GNAZ: variants seen among roughly 807,000 people sequenced by gnomAD.
GNAZ encodes guanine nucleotide-binding protein G(z) subunit alpha.
A neutral mutation model predicts 25.4 loss-of-function variants in GNAZ; 3 were observed. The ratio of observed to expected loss-of-function variants is 0.12; its 90% confidence interval spans 0.05 to 0.30. GNAZ has a LOEUF of 0.30. Among genes scored for constraint, GNAZ ranks in the 10% least tolerant of loss-of-function variants. The probability of loss-of-function intolerance (pLI) is 1.00; values close to 1 mark genes in which losing one functional copy is unlikely to be tolerated. For synonymous variants in GNAZ, 211 were observed against 205.7 expected, an observed-to-expected ratio of 1.03 and a Z score of -0.22; for missense variants, 241 against 501.8, an observed-to-expected ratio of 0.48 and a Z score of 4.97.
chr22:23,123,515 G>A lies in GNAZ; in HGVS notation c.*84G>A. 3.5e-6 allele frequency: 3 copies of A among 846,240 alleles called. No individual in the cohort carries two copies. The South Asian group carries it at 5.0e-5, about 14-fold the overall frequency. The allele number at this position is 846,240 out of a possible 1,614,324, so 52.4% of individuals were successfully genotyped here. A position where few individuals can be genotyped will look rare whatever the true frequency, so the allele number is the denominator to read the frequency against. On this transcript the variant is annotated 3_prime_UTR_variant, in exon 3 of 3. Transcript: ENST00000615612. ...CGCGTGCTAGAGAGGCCCAATCCAG[G>A]GGCAGAAAACAGGGGGCCTAAAGAA... is the stretch of plus-strand genomic sequence containing the variant.
chr22:23,091,457 C>G (rs1228046116), intron 1 of GNAZ, among the ~76,000 whole-genome samples: 1 of 150,400 alleles, frequency 6.6e-6, no homozygotes, highest in Non-Finnish European at 1.5e-5. Context: ...GGGTCCTATG[C>G]ATACACACAC....
chr22:23,118,960 C>T (rs2069931019), intron 2 of GNAZ, among the ~76,000 whole-genome samples: 1 of 152,220 alleles, frequency 6.6e-6, no homozygotes, highest in Non-Finnish European at 1.5e-5. Flanking sequence ...GCAGGAGGCA[C>T]AGCCAGTCAT....
intron 1 of GNAZ, among the ~76,000 whole-genome samples, chr22:23,080,454 G>A (rs970151719): frequency 3.9e-5 from 6 of 152,366 alleles, no homozygotes; most frequent in African/African-American, 1.4e-4. Flanking sequence ...TCTGTAGGAT[G>A]GGGACACTGT....
rs143839657 is a variant in GNAZ, at chr22:23,096,005, G to T, written c.310G>T (p.Ala104Ser). 150 of 1,607,998 alleles carry T rather than the reference G, an allele frequency of 9.3e-5. No individual in the cohort carries two copies. In the African/African-American group the frequency reaches 1.7e-3, roughly 18 times the overall value. Residue 104 changes from alanine (A) to serine (S), a missense_variant, in exon 2 of 3, where the codon GCT (alanine) becomes TCT (serine). Transcript: ENST00000615612. ...DFHNPDRAYD[A>S]VQLFALTGPA... ...CCACAACCCCGACCGCGCCTACGAC[G>T]CTGTGCAGCTCTTTGCGCTGACGGG... is the stretch of plus-strand genomic sequence containing the variant.
At position 23,123,483 on chromosome 22, in the gene GNAZ, G is replaced by A. The variant is rs373931380; in HGVS notation, c.*52G>A. 20 of 1,216,358 alleles carry A rather than the reference G, an allele frequency of 1.6e-5. No homozygotes were observed. Among genetic ancestry groups the A allele is most frequent in the African/African-American group, 1.3e-4 (9 of 66,778 alleles). 75.3% of individuals were successfully genotyped at this position (1,216,358 alleles called of 1,614,324 possible). A position where few individuals can be genotyped will look rare whatever the true frequency, so the allele number is the denominator to read the frequency against. On this transcript the variant is annotated 3_prime_UTR_variant, in exon 3 of 3. Coordinates refer to ENST00000615612, the MANE Select transcript of GNAZ (RefSeq NM_002073.4). ...TATGGTGAAACCCACGGGGTGTCAT[G>A]CCCCAACGCGTGCTAGAGAGGCCCA...
At chr22:23,101,233 C>T (rs1178929369) in intron 2 of GNAZ, among the ~76,000 whole-genome samples, 1 of 151,550 alleles carries the variant, frequency 6.6e-6, no homozygotes, top group Non-Finnish European at 1.5e-5. Context: ...AGAGAGGTTC[C>T]TTCACATACC....
chr22:23,112,351 C>T (rs1022606082), intron 2 of GNAZ, among the ~76,000 whole-genome samples: 7 of 152,236 alleles, frequency 4.6e-5, no homozygotes, highest in Non-Finnish European at 1.0e-4. Flanking sequence ...CTCACCAGGC[C>T]GTTTGCTCTT....
intron 1 of GNAZ, among the ~76,000 whole-genome samples, chr22:23,076,124 C>A (rs923544429): frequency 6.6e-6 from 1 of 152,186 alleles, no homozygotes; most frequent in Non-Finnish European, 1.5e-5. Context: ...AGGCTGTGGC[C>A]CTGCTCCAGA....
In GNAZ at chr22:23,123,464, G is replaced by A. The variant is rs2070089185; in HGVS notation, c.*33G>A. 4 of 1,437,576 alleles carry A rather than the reference G, an allele frequency of 2.8e-6. No individual in the cohort carries two copies. The highest frequency in any genetic ancestry group is 3.9e-6 in the Non-Finnish European group (4 of 1,031,964). 89.1% of individuals were successfully genotyped at this position (1,437,576 alleles called of 1,614,324 possible). On this transcript the variant is annotated 3_prime_UTR_variant, in exon 3 of 3. Coordinates refer to ENST00000615612, the MANE Select transcript of GNAZ (RefSeq NM_002073.4). ...GGCCCGGGGCCCGCCTGCCTATGGT[G>A]AAACCCACGGGGTGTCATGCCCCAA...
intron 2 of GNAZ, among the ~76,000 whole-genome samples, chr22:23,104,343 G>A (rs1045586850): frequency 6.6e-6 from 1 of 152,208 alleles, no homozygotes; most frequent in African/African-American, 2.4e-5. Flanking sequence ...CCCCAGGACT[G>A]TGTCCCTCCC....
intron 1 of GNAZ, among the ~76,000 whole-genome samples, chr22:23,089,610 G>A (rs1333498102): frequency 6.6e-6 from 1 of 152,178 alleles, no homozygotes; most frequent in East Asian, 1.9e-4. Flanking sequence ...CTCAACATCT[G>A]TTACAGGAAC....
intron 1 of GNAZ, among the ~76,000 whole-genome samples, chr22:23,086,633 C>G (rs1216967900): frequency 6.6e-6 from 1 of 152,234 alleles, no homozygotes; most frequent in Non-Finnish European, 1.5e-5. Flanking sequence ...AAGACCCTCC[C>G]CGGGGCCCAG....
intron 2 of GNAZ, among the ~76,000 whole-genome samples, chr22:23,109,956 A>G (rs143590289): frequency 6.6e-6 from 1 of 152,294 alleles, no homozygotes; most frequent in African/African-American, 2.4e-5. Flanking sequence ...GACAGACAGG[A>G]GCTCACTGAG....
rs752517384 is a variant in GNAZ at position 23,123,077 on chromosome 22, C to A, written c.724-10C>A. 2 of 1,599,016 alleles carry A rather than the reference C, an allele frequency of 1.3e-6. No individual in the cohort carries two copies. The highest frequency in any genetic ancestry group is 1.7e-6 in the Non-Finnish European group (2 of 1,166,472). ...GGGCCTGATTAACGCCAGTACTTTCCTTTCCCCAGAGTCGGATGGCAGAGA... is the reference window on the plus strand; with the variant it reads ...GGGCCTGATTAACGCCAGTACTTTCATTTCCCCAGAGTCGGATGGCAGAGA... On this transcript the variant is annotated splice_polypyrimidine_tract_variant and intron_variant, in intron 2 of 2. Transcript: ENST00000615612.
At chr22:23,111,160 G>A (rs573558125) in intron 2 of GNAZ, among the ~76,000 whole-genome samples, 1 of 152,334 alleles carries the variant, frequency 6.6e-6, no homozygotes, top group East Asian at 1.9e-4. Flanking sequence ...CTGCCGGGGA[G>A]TGGCCTCACT....
chr22:23,079,477 G>A (rs1464298001), intron 1 of GNAZ, among the ~76,000 whole-genome samples: 2 of 152,168 alleles, frequency 1.3e-5, no homozygotes, highest in African/African-American at 4.8e-5. Context: ...GGGAGCATGG[G>A]CGTGGGAGTC....
chr22:23,076,634 G>A (rs1300704372), intron 1 of GNAZ, among the ~76,000 whole-genome samples: 1 of 152,228 alleles, frequency 6.6e-6, no homozygotes, highest in African/African-American at 2.4e-5. Flanking sequence ...GGCTGACGCC[G>A]GGCCACTCAG....
chr22:23,115,080 T>C (rs776721872), intron 2 of GNAZ, among the ~76,000 whole-genome samples: 4 of 152,106 alleles, frequency 2.6e-5, no homozygotes, highest in Non-Finnish European at 5.9e-5. Context: ...CAGCTGGCCT[T>C]GCTCTGTGCT....
chr22:23,094,237 T>C (rs2266995), intron 1 of GNAZ, among the ~76,000 whole-genome samples: 60,075 of 151,918 alleles, frequency 0.4, 14,293 homozygotes, highest in African/African-American at 0.68. Context: ...GGGGTGCGTG[T>C]GAGTTGGGTG....
Sources: allele counts gnomAD v4.1 joint callset (sites outside exome capture counted in the v4.1 genomes callset), GRCh38; gene constraint gnomAD v4.1.1; transcripts MANE v1.5; gene names NCBI Gene and HGNC (gene_info 2026-07-23, HGNC 2026-07-21).